Variants in SNU13 observed in about 807,000 individuals in gnomAD.
SNU13 encodes NHP2-like protein 1.
A neutral mutation model predicts 12.4 loss-of-function variants in SNU13; 2 were observed. The ratio of observed to expected loss-of-function variants is 0.16; its 90% CI spans 0.07 to 0.51. SNU13 has a LOEUF of 0.51. SNU13 is among the 20% of genes least tolerant of loss of function. The probability of loss-of-function intolerance (pLI) is 0.96; values close to 1 mark genes in which losing one functional copy is unlikely to be tolerated. For missense variants in SNU13, 66 were observed against 157.8 expected (o/e 0.42, Z 3.12); for synonymous variants, 68 against 66.5 (o/e 1.02, Z -0.11).
intron 1 of SNU13, chr22:41,687,629 A>T (rs918687581): frequency 1.3e-5 from 2 of 152,228 alleles, no homozygotes; most frequent in Admixed American, 6.5e-5. Flanking sequence ...GCCAACCTAA[A>T]TCCCTACCTA....
chr22:41,679,019 A>AT (rs2068238220), intron 2 of SNU13, among the ~76,000 whole-genome samples: 1 of 152,196 alleles, frequency 6.6e-6, no homozygotes, highest in Admixed American at 6.5e-5. Context: ...ACACTTTGGG[A>AT]GGCCAAGGCA....
chr22:41,676,976 C>T (rs1349546938), intron 2 of SNU13, among the ~76,000 whole-genome samples: 1 of 152,116 alleles, frequency 6.6e-6, no homozygotes, highest in Non-Finnish European at 1.5e-5. Flanking sequence ...TGGGTACCAC[C>T]ACAGTTGCTA....
intron 2 of SNU13, among the ~76,000 whole-genome samples, chr22:41,675,966 G>A (rs1238376695): frequency 6.6e-6 from 1 of 151,682 alleles, no homozygotes; most frequent in Non-Finnish European, 1.5e-5. Flanking sequence ...TCCTAACCTT[G>A]TGATCCACCC....
At chr22:41,679,287 C>T (rs1275049602) in intron 2 of SNU13, among the ~76,000 whole-genome samples, 1 of 152,052 alleles carries the variant, frequency 6.6e-6, no homozygotes, top group African/African-American at 2.4e-5. Flanking sequence ...GGCACAGTGT[C>T]TCACGCCTGT....
At position 41,675,045 on chromosome 22, in the gene SNU13, G is replaced by A; in HGVS notation, c.275C>T (p.Ala92Val). 1.9e-6 allele frequency: 3 copies of A among 1,614,160 alleles called. No individual in the cohort carries two copies. Among genetic ancestry groups the A allele is most frequent in the Non-Finnish European group, 2.5e-6 (3 of 1,180,018 alleles). ...GATGACAGGCCTGGAGACCCCACAG[G>A]CTCTCCCCAGGGCCTGCTTGGAGCG... is the stretch of plus-strand genomic sequence containing the variant. ...FVRSKQALGR[A>V]CGVSRPVIAC... Residue 92 changes from alanine (A) to valine (V), a missense_variant, in exon 3 of 3, where the codon GCC becomes GTC. Physicochemically the swap from Ala to Val is moderately conservative, Grantham distance 64 (BLOSUM62 0). Coordinates refer to ENST00000401959, the MANE Select transcript of SNU13 (RefSeq NM_001003796.2).
intron 2 of SNU13, among the ~76,000 whole-genome samples, chr22:41,675,658 G>A (rs1430387662): frequency 1.3e-5 from 2 of 151,642 alleles, no homozygotes; most frequent in African/African-American, 2.4e-5. Context: ...CTGACCTCAA[G>A]TGATCCACCC....
chr22:41,681,891 C>G (rs2068266499), intron 1 of SNU13, among the ~76,000 whole-genome samples: 1 of 152,182 alleles, frequency 6.6e-6, no homozygotes, highest in Non-Finnish European at 1.5e-5. Flanking sequence ...TAAATAAATA[C>G]ACACCCATGT....
At chr22:41,684,171 C>T (rs2147139761) in intron 1 of SNU13, among the ~76,000 whole-genome samples, 1 of 152,264 alleles carries the variant, frequency 6.6e-6, no homozygotes, top group East Asian at 1.9e-4. Flanking sequence ...TCCCAAAGTG[C>T]TGGGATTACA....
chr22:41,679,116 T>C (rs2147134562), intron 2 of SNU13, among the ~76,000 whole-genome samples: 1 of 150,976 alleles, frequency 6.6e-6, no homozygotes, highest in African/African-American at 2.4e-5. Flanking sequence ...AAAATAAAAA[T>C]AAGGCTGGGC....
chr22:41,675,808 T>C (rs2068207709), intron 2 of SNU13, among the ~76,000 whole-genome samples: 2 of 149,964 alleles, frequency 1.3e-5, no homozygotes, highest in Admixed American at 1.3e-4. Context: ...TGGAGTGCAA[T>C]GGCGCAATCT....
At chr22:41,689,115 A>G, upstream of SNU13, 9 of 1,089,012 alleles carry the variant, frequency 8.3e-6, no homozygotes, top group Non-Finnish European at 1.0e-5. Context: ...TAATCCCGGC[A>G]CTTTGGGAGG....
intron 1 of SNU13, among the ~76,000 whole-genome samples, chr22:41,682,996 CTACT>C (rs2068279409): frequency 1.3e-5 from 2 of 151,638 alleles, no homozygotes; most frequent in Non-Finnish European, 2.9e-5. Flanking sequence ...CACATGTTAC[CTACT>C]TAAACATTTT....
At chr22:41,679,316 G>A (rs183014660) in intron 2 of SNU13, among the ~76,000 whole-genome samples, 1 of 152,286 alleles carries the variant, frequency 6.6e-6, no homozygotes, top group Admixed American at 6.5e-5. Context: ...CAGCACTTTG[G>A]GAGGCCAAGG....
At chr22:41,684,380 T>C (rs2068292852) in intron 1 of SNU13, among the ~76,000 whole-genome samples, 1 of 152,182 alleles carries the variant, frequency 6.6e-6, no homozygotes, top group African/African-American at 2.4e-5. Flanking sequence ...TGCTAGTGTT[T>C]TTTTCTACCT....
At chr22:41,679,407 T>G (rs1382919893) in intron 2 of SNU13, among the ~76,000 whole-genome samples, 1 of 151,922 alleles carries the variant, frequency 6.6e-6, no homozygotes, top group Non-Finnish European at 1.5e-5. Context: ...AAATACAAAA[T>G]TAGCTGGACG....
At chr22:41,677,234 G>C (rs2068222146) in intron 2 of SNU13, among the ~76,000 whole-genome samples, 1 of 152,156 alleles carries the variant, frequency 6.6e-6, no homozygotes, top group Non-Finnish European at 1.5e-5. Flanking sequence ...CAGTTAATAA[G>C]AATGATGAGG....
intron 1 of SNU13, chr22:41,687,628 A>C (rs2068321685): frequency 6.6e-6 from 1 of 152,214 alleles, no homozygotes; most frequent in Admixed American, 6.6e-5. Context: ...AGCCAACCTA[A>C]ATCCCTACCT....
At chr22:41,686,018 C>T (rs2068307382) in intron 1 of SNU13, among the ~76,000 whole-genome samples, 1 of 151,686 alleles carries the variant, frequency 6.6e-6, no homozygotes. Context: ...CTATTTTGCC[C>T]TGGGTGGTCT....
In SNU13 at chr22:41,675,266, G is replaced by A; in HGVS notation, c.125-71C>T. On this transcript the variant is annotated intron_variant, in intron 2 of 2. Coordinates refer to ENST00000401959, the MANE Select transcript of SNU13 (RefSeq NM_001003796.2). ...CAGGGCAGCCACAACAAACTGGGAA[G>A]AATGCCTAGGCACACACAATTATGT... 6 of 1,559,196 alleles carry A rather than the reference G, an allele frequency of 3.8e-6. No homozygotes were observed. In the South Asian group the frequency reaches 5.9e-5, roughly 15 times the overall value.
Sources: gnomAD v4.1 joint callset for allele counts (sites outside exome capture counted in the v4.1 genomes callset) on GRCh38, gnomAD v4.1.1 for gene constraint, MANE v1.5 for transcripts, NCBI Gene and HGNC (gene_info 2026-07-23, HGNC 2026-07-21) for gene names.